The following COPA variants were observed in gnomAD, a reference collection of about 807,000 sequenced individuals.
COPA encodes the protein coatomer subunit alpha.
Under a neutral mutation model 158.7 loss-of-function variants are expected in COPA, and 10 were observed. That is an observed-to-expected ratio of 0.06 (90% CI 0.04 to 0.11). The LOEUF is 0.11. Among genes scored for constraint, COPA ranks in the 10% least tolerant of loss-of-function variants. COPA has a pLI of 1.00. For synonymous variants in COPA, 462 were observed against 542.8 expected, an observed-to-expected ratio of 0.85 and a Z score of 2.07; for missense variants, 1,065 against 1,536.7, an observed-to-expected ratio of 0.69 and a Z score of 5.13.
At chr1:160,329,602 A>G (rs905847397) in intron 6 of COPA, among the ~76,000 whole-genome samples, 3 of 152,018 alleles carry the variant, frequency 2.0e-5, no homozygotes, top group Non-Finnish European at 2.9e-5. Flanking sequence ...TGGCACAAAC[A>G]TTACTTTTAC....
At chr1:160,295,365 C>G (rs1053005632) in intron 23 of COPA, among the ~76,000 whole-genome samples, 5 of 152,154 alleles carry the variant, frequency 3.3e-5, no homozygotes, top group African/African-American at 1.2e-4. Context: ...TCTGCCTATA[C>G]CCACATACCG....
chr1:160,306,571 A>G, intron 14 of COPA, 78 bp from the exon 15 acceptor site: 1 of 1,567,642 alleles, frequency 6.4e-7, no homozygotes, highest in South Asian at 1.1e-5. Flanking sequence ...GTTCCTCAGC[A>G]ATTGTTCCTT....
intron 15 of COPA, 152 bp from the exon 16 acceptor site, chr1:160,305,925 T>TAG (rs1214621005): frequency 2.8e-5 from 19 of 682,718 alleles, no homozygotes; most frequent in Non-Finnish European, 4.3e-5. Context: ...TCCTACATAG[T>TAG]AGCTCAGTGA....
Position 160,309,094 on chromosome 1 carries a change from C to T in COPA, c.1219+7G>A, listed in dbSNP as rs926437946. 1 of 1,610,930 alleles carries T rather than the reference C, an allele frequency of 6.2e-7. No individual in the cohort carries two copies. The highest frequency in any genetic ancestry group is 8.5e-7 in the Non-Finnish European group (1 of 1,177,294). On this transcript the variant is annotated splice_region_variant and intron_variant, in intron 13 of 32. Coordinates refer to ENST00000241704, the MANE Select transcript of COPA (RefSeq NM_004371.4). ...AGCAGAGTGGGGTAGACAAAAAGAACACTTACCATCAGGATTCTGGGAGTC... is the reference window on the plus strand; with the variant it reads ...AGCAGAGTGGGGTAGACAAAAAGAATACTTACCATCAGGATTCTGGGAGTC...
In COPA at chr1:160,297,334, G is replaced by T; in HGVS notation, c.2263+9C>A. 1 of 1,613,230 alleles carries T rather than the reference G, an allele frequency of 6.2e-7. No homozygotes were observed. The highest frequency in any genetic ancestry group is 1.7e-5 in the Admixed American group (1 of 60,006). The stretch of plus-strand genomic sequence containing the variant: ...ACCCTGAAAAAGCTGGCAAGTCTCG[G>T]ATACTTACTCTGTCCACAGTTCTTC... On this transcript the variant is annotated intron_variant, in intron 21 of 32. Transcript: ENST00000241704.
intron 6 of COPA, among the ~76,000 whole-genome samples, chr1:160,330,901 T>C (rs1260275382): frequency 2.6e-5 from 4 of 152,172 alleles, no homozygotes; most frequent in African/African-American, 9.7e-5. Context: ...AGGCTGGGCA[T>C]GGTGGCTCGC....
chr1:160,302,549 CTTTTT>C (rs35112618), intron 17 of COPA, among the ~76,000 whole-genome samples: 1 of 91,688 alleles, frequency 1.1e-5, no homozygotes, highest in Admixed American at 1.3e-4. Flanking sequence ...TCACAAGTTA[CTTTTT>C]TTTTTTTTTT....
intron 3 of COPA, among the ~76,000 whole-genome samples, chr1:160,336,327 G>A (rs1264556867): frequency 2.0e-5 from 3 of 146,614 alleles, no homozygotes; most frequent in African/African-American, 7.9e-5. Flanking sequence ...AGAGAGGCTC[G>A]GTCTCAAAAA....
rs1659022136 is a variant in COPA at position 160,313,142 on chromosome 1, C to T, written c.868G>A (p.Asp290Asn). 1 of 1,614,130 alleles carries T rather than the reference C, an allele frequency of 6.2e-7. No individual in the cohort carries two copies. The highest frequency in any genetic ancestry group is 2.2e-5 in the East Asian group (1 of 44,876). Reference sequence around the variant, plus strand: ...GCTAGGACCCAGAAACGATCATGGTCTCTGCGGAAAGTCTGAACCCCAGTC... The same window carrying T: ...GCTAGGACCCAGAAACGATCATGGTTTCTGCGGAAAGTCTGAACCCCAGTC... ...KRTGVQTFRRDHDRFWVLAAH... is the reference protein window; with the variant it reads ...KRTGVQTFRRNHDRFWVLAAH... Residue 290 changes from aspartate to asparagine, a missense_variant, in exon 10 of 33, where the codon GAC becomes AAC. Physicochemically the swap from Asp to Asn is conservative, Grantham distance 23 (BLOSUM62 1). Around this residue, in one of 2 missense-constraint regions of COPA, gnomAD observed 980 missense variants for 1,357.8 expected, o/e 0.72. Transcript: ENST00000241704.
At chr1:160,307,069 G>A in intron 14 of COPA, 94 bp downstream of exon 14, 2 of 1,235,832 alleles carry the variant, frequency 1.6e-6, no homozygotes, top group South Asian at 1.2e-5. Flanking sequence ...GCTGCCCGGG[G>A]GAGAACAGAA....
intron 7 of COPA, among the ~76,000 whole-genome samples, chr1:160,324,293 T>TC (rs1471519220): frequency 6.8e-6 from 1 of 148,118 alleles, no homozygotes; most frequent in Non-Finnish European, 1.5e-5. Context: ...TTCTTTTTTT[T>TC]TTTTTTTTTT....
chr1:160,320,548 G>A (rs1659297842), intron 8 of COPA, among the ~76,000 whole-genome samples: 1 of 139,738 alleles, frequency 7.2e-6, no homozygotes, highest in Non-Finnish European at 1.5e-5. Flanking sequence ...GGTGGAGGCT[G>A]CAGTGAGCTA....
Position 160,343,042 on chromosome 1 carries a change from G to T in COPA, c.40+89C>A, listed in dbSNP as rs1046758788. ...CGGGTCCGTCTGGTGGGCCCATTTCGACCAACACCTCTACCCATTTTCTCT... is the reference window on the plus strand; with the variant it reads ...CGGGTCCGTCTGGTGGGCCCATTTCTACCAACACCTCTACCCATTTTCTCT... On this transcript the variant is annotated intron_variant, in intron 1 of 32. Coordinates refer to ENST00000241704, the MANE Select transcript of COPA (RefSeq NM_004371.4). The T allele has an allele frequency of 2.5e-5, 38 of 1,539,106 alleles. No individual in the cohort carries two copies. In the South Asian group the frequency reaches 3.8e-4, roughly 15 times the overall value.
At chr1:160,310,136 A>C in intron 12 of COPA, 56 bp downstream of exon 12, 1 of 1,134,742 alleles carries the variant, frequency 8.8e-7, no homozygotes, top group East Asian at 2.7e-5. Flanking sequence ...TAAGGGCATA[A>C]GAAAGAGACC....
chr1:160,295,033 G>C (rs929303700), intron 23 of COPA, among the ~76,000 whole-genome samples, 176 bp from the exon 24 acceptor site: 1 of 152,186 alleles, frequency 6.6e-6, no homozygotes, highest in Admixed American at 6.5e-5. Context: ...ACTTGCAGTA[G>C]CTTTCACAGA....
At chr1:160,299,893 AAAAC>A (rs1359942363) in intron 17 of COPA, among the ~76,000 whole-genome samples, 1 of 152,204 alleles carries the variant, frequency 6.6e-6, no homozygotes, top group African/African-American at 2.4e-5. Context: ...AATTAAATAA[AAAAC>A]AAAAACTACA....
Position 160,311,959 on chromosome 1 carries a change from G to A in COPA, c.985C>T (p.His329Tyr). The change falls in exon 11 of 33, where the codon CAT becomes TAT. Residue 329 changes from histidine (H) to tyrosine (Y), a missense_variant. Around this residue, in one of 2 missense-constraint regions of COPA, gnomAD observed 980 missense variants for 1,357.8 expected, o/e 0.72. Coordinates refer to ENST00000241704, the MANE Select transcript of COPA (RefSeq NM_004371.4). Reference sequence around the variant, plus strand: ...TTGACATAGTGTAGCATATTGCCATGAACAGCATAGGCTGGCCGTTCCCGT... The same window carrying A: ...TTGACATAGTGTAGCATATTGCCATAAACAGCATAGGCTGGCCGTTCCCGT... ...LERERPAYAV[H>Y]GNMLHYVKDR... 2.5e-6 allele frequency: 4 copies of A among 1,614,052 alleles called. No individual in the cohort carries two copies. The highest frequency in any genetic ancestry group is 3.4e-6 in the Non-Finnish European group (4 of 1,179,994).
intron 1 of COPA, 124 bp from the exon 2 acceptor site, chr1:160,340,418 G>A: frequency 3.1e-6 from 2 of 637,560 alleles, no homozygotes; most frequent in East Asian, 2.7e-5. Flanking sequence ...CATGCTTGAT[G>A]ATTTTTTACT....
In COPA at chr1:160,340,263, G is replaced by C; in HGVS notation, c.72C>G (p.Ile24Met). Residue 24 changes from isoleucine (I) to methionine (M), a missense_variant, in exon 2 of 33, where the codon ATC becomes ATG. Transcript: ENST00000241704. ...GLSFHPKRPW[I>M]LTSLHNGVIQ... ...TGACCCCATTATGTAAACTAGTCAG[G>C]ATCCAAGGTCTTTTGGGGTGAAAGC... 1 of 1,613,488 alleles carries C rather than the reference G, an allele frequency of 6.2e-7. No individual in the cohort carries two copies. Among genetic ancestry groups the C allele is most frequent in the Non-Finnish European group, 8.5e-7 (1 of 1,179,896 alleles).
Sources: gnomAD v4.1 joint callset for allele counts (sites outside exome capture counted in the v4.1 genomes callset) on GRCh38, gnomAD v4.1.1 for gene constraint, gnomAD v4.1.1 regional missense constraint, MANE v1.5 for transcripts, NCBI Gene and HGNC (gene_info 2026-07-23, HGNC 2026-07-21) for gene names.